Variants in TJP1 observed in about 807,000 individuals in gnomAD.
TJP1 encodes the protein tight junction protein ZO-1.
A neutral mutation model predicts 194.2 loss-of-function variants in TJP1; 43 were observed. The observed-to-expected ratio is 0.22, with a 90% CI of 0.17 to 0.29. The LOEUF (loss-of-function observed/expected upper bound fraction) is 0.29, where lower values mean the gene tolerates loss of function less well. Among genes scored for constraint, TJP1 ranks in the 10% least tolerant of loss-of-function variants. The probability of loss-of-function intolerance (pLI) is 1.00; values close to 1 mark genes in which losing one functional copy is unlikely to be tolerated. For synonymous variants in TJP1, 801 were observed against 779.0 expected, an observed-to-expected ratio of 1.03 and a Z score of -0.47; for missense variants, 1,971 against 2,185.7, an observed-to-expected ratio of 0.90 and a Z score of 1.96.
intron 15 of TJP1, chr15:29,730,594 C>T (rs1193002003): frequency 5.7e-6 from 3 of 530,464 alleles, no homozygotes; most frequent in Non-Finnish European, 3.5e-6. Context: ...GACTCTGTCT[C>T]TGAAAAAAAA....
chr15:29,789,245 G>A (rs774030691), intron 2 of TJP1, among the ~76,000 whole-genome samples: 9 of 152,144 alleles, frequency 5.9e-5, no homozygotes, highest in Non-Finnish European at 1.3e-4. Context: ...GACATGGTTA[G>A]TGTCCTAGGG....
intron 2 of TJP1, among the ~76,000 whole-genome samples, chr15:29,898,858 C>A (rs894837072): frequency 6.6e-6 from 1 of 152,124 alleles, no homozygotes; most frequent in African/African-American, 2.4e-5. Flanking sequence ...CTTGAATTCT[C>A]TTTGGAGTGA....
chr15:29,870,078 G>GC lies in TJP1; in HGVS notation c.307-69377dup, dbSNP rs754901763. ...CTGACCTCAGGCAATCCACCACCCC[G>GC]CCCCCCACCGCCCAGCCTCCCAAAG... On this transcript the variant is annotated intron_variant, in intron 2 of 28. Coordinates refer to the TJP1 transcript ENST00000356107. Among the ~76,000 whole-genome samples, 442 of 125,828 alleles carry GC rather than the reference G, an allele frequency of 3.5e-3. 1 individual carries two copies. The highest frequency in any genetic ancestry group is 5.5e-3 in the Non-Finnish European group (330 of 59,996). 82.5% of individuals were successfully genotyped at this position (125,828 alleles called of 152,430 possible). A position where few individuals can be genotyped will look rare whatever the true frequency, so the allele number is the denominator to read the frequency against.
chr15:29,906,029 T>C (rs2152210640), intron 2 of TJP1, among the ~76,000 whole-genome samples: 1 of 152,248 alleles, frequency 6.6e-6, no homozygotes, highest in East Asian at 1.9e-4. Flanking sequence ...GATAATGATG[T>C]GTCAATGTAG....
chr15:29,710,685 T>G (rs1175058210), intron 24 of TJP1, 146 bp downstream of exon 24: 7 of 973,904 alleles, frequency 7.2e-6, no homozygotes, highest in African/African-American at 1.6e-5. Flanking sequence ...AGACATACTT[T>G]TAACAAAATT....
At chr15:29,716,557 G>C in intron 23 of TJP1, 54 bp downstream of exon 23, 1 of 1,309,582 alleles carries the variant, frequency 7.6e-7, no homozygotes, top group South Asian at 1.2e-5. Flanking sequence ...ATATTGAACT[G>C]CACGGGATTA....
chr15:29,756,499 A>G (rs1330672338), intron 8 of TJP1, among the ~76,000 whole-genome samples: 1 of 152,176 alleles, frequency 6.6e-6, no homozygotes, highest in Admixed American at 6.5e-5. Context: ...AACTTTACAA[A>G]AGGAGGAGGC....
At chr15:29,817,060 C>G (rs887514943) in intron 1 of TJP1, among the ~76,000 whole-genome samples, 7 of 152,194 alleles carry the variant, frequency 4.6e-5, no homozygotes, top group African/African-American at 1.7e-4. Context: ...ATCTACTGAT[C>G]TGACAAAGGT....
At chr15:29,958,939 TTG>T (rs2056052185) in intron 1 of TJP1, among the ~76,000 whole-genome samples, 1 of 152,220 alleles carries the variant, frequency 6.6e-6, no homozygotes, top group Non-Finnish European at 1.5e-5. Flanking sequence ...AATTCAGCCA[TTG>T]TCTTTTCTAT....
Position 29,716,685 on chromosome 15 carries a change from G to A in TJP1, c.4128C>T (p.Ala1376=), listed in dbSNP as rs2229518. 0.82 allele frequency: 1,329,854 copies of A among 1,613,650 alleles called. 549,538 individuals carry two copies. Among genetic ancestry groups the A allele is most frequent in the East Asian group, 0.86 (38,611 of 44,870 alleles). ...TTGCAGGCTCGGAGAGATGGCTGGC[G>A]GCAATGTGTGCAGGAGGCTTATTCT... ...SFENKPPAHI[A]ASHLSEPAKP... is the part of the protein sequence containing the mutation. The change falls in exon 23 of 28, where the codon GCC becomes GCT. Residue 1376 remains alanine, a synonymous_variant. Coordinates refer to ENST00000614355, the MANE Select transcript of TJP1 (RefSeq NM_001330239.4).
chr15:29,730,841 G>C, intron 15 of TJP1: 1 of 1,054,438 alleles, frequency 9.5e-7, no homozygotes, highest in Non-Finnish European at 1.5e-6. Context: ...AGCCTAAAAA[G>C]GCCCCTGCAA....
intron 7 of TJP1, 149 bp from the exon 8 acceptor site, chr15:29,761,435 T>A: frequency 7.8e-7 from 1 of 1,284,926 alleles, no homozygotes; most frequent in South Asian, 1.5e-5. Flanking sequence ...AGCAATCATA[T>A]CAATAGTGGT....
Position 29,719,340 on chromosome 15 carries a change from GT to G in TJP1, c.3004-203del, listed in dbSNP as rs1340635384. On this transcript the variant is annotated intron_variant, in intron 20 of 27. Coordinates refer to ENST00000614355, the MANE Select transcript of TJP1 (RefSeq NM_001330239.4). ...TTATAATGCAGGTAGGGGCTTTTAT[GT>G]TTCAGCATGTACTAAATAAACAGTG... Among the ~76,000 whole-genome samples the G allele has an allele frequency of 7.2e-5, 11 of 152,222 alleles. No individual in the cohort carries two copies. In the East Asian group the frequency reaches 1.5e-3, roughly 21 times the overall value.
chr15:29,796,345 A>G (rs1232764747), intron 2 of TJP1, among the ~76,000 whole-genome samples: 1 of 151,630 alleles, frequency 6.6e-6, no homozygotes, highest in Non-Finnish European at 1.5e-5. Context: ...TGCTATAAAA[A>G]AAAAAACAAA....
At chr15:29,908,988 A>G (rs1333238774) in intron 2 of TJP1, among the ~76,000 whole-genome samples, 3 of 151,866 alleles carry the variant, frequency 2.0e-5, no homozygotes, top group Non-Finnish European at 2.9e-5. Flanking sequence ...CCCCGTCTCT[A>G]CCAAAAATAC....
intron 2 of TJP1, among the ~76,000 whole-genome samples, chr15:29,937,552 T>C (rs1198571938): frequency 2.0e-5 from 3 of 152,186 alleles, no homozygotes; most frequent in Admixed American, 6.5e-5. Flanking sequence ...ACAGAATACT[T>C]AACAGCTTTA....
At chr15:29,714,265 G>A (rs2042414069) in intron 23 of TJP1, among the ~76,000 whole-genome samples, 1 of 151,474 alleles carries the variant, frequency 6.6e-6, no homozygotes, top group Non-Finnish European at 1.5e-5. Flanking sequence ...TTTGAGATGA[G>A]TCTGGCTCTG....
chr15:29,934,001 A>C (rs2054805165), intron 2 of TJP1, among the ~76,000 whole-genome samples: 2 of 151,684 alleles, frequency 1.3e-5, no homozygotes, highest in African/African-American at 4.8e-5. Flanking sequence ...ATCCACACTA[A>C]ACTATACCTA....
rs972377995 is a variant in TJP1, at chr15:29,718,177, G to C, written c.3877-59C>G. The C allele has an allele frequency of 1.5e-5, 24 of 1,550,782 alleles. No homozygotes were observed. The African/African-American group carries it at 3.2e-4, about 21-fold the overall frequency. On this transcript the variant is annotated intron_variant, in intron 21 of 27. Coordinates refer to ENST00000614355, the MANE Select transcript of TJP1 (RefSeq NM_001330239.4). ...ATGCCTAAGGAACAGATAATTAACA[G>C]AATAGATATCATGTAATGGCGGAGG...
Sources: allele counts gnomAD v4.1 joint callset (sites outside exome capture counted in the v4.1 genomes callset), GRCh38; gene constraint gnomAD v4.1.1; transcripts MANE v1.5; gene names NCBI Gene and HGNC (gene_info 2026-07-23, HGNC 2026-07-21).